Variants in FBLN7 observed in about 807,000 individuals in gnomAD.
The protein encoded by FBLN7 is fibulin-7.
Under a neutral mutation model 44.0 loss-of-function variants are expected in FBLN7, and 31 were observed. That is an observed-to-expected ratio of 0.70 (90% CI 0.53 to 0.95). FBLN7 has a LOEUF of 0.95. Ranked by LOEUF, FBLN7 falls within the 40% of genes least tolerant of loss-of-function variation. The probability of loss-of-function intolerance (pLI) is 0.00; values close to 1 mark genes in which losing one functional copy is unlikely to be tolerated. For missense variants in FBLN7, 573 were observed against 618.5 expected, an observed-to-expected ratio of 0.93 and a Z score of 0.78; for synonymous variants, 262 against 253.4, an observed-to-expected ratio of 1.03 and a Z score of -0.32.
chr2:112,162,661 G>A (rs1430068682), intron 2 of FBLN7, among the ~76,000 whole-genome samples: 1 of 152,198 alleles, frequency 6.6e-6, no homozygotes, highest in Non-Finnish European at 1.5e-5. Context: ...CACTAGAGAA[G>A]GGCCTTCAGC....
rs577034495 is a variant in FBLN7, at chr2:112,175,083, C to T, written c.407-631C>T. Among the ~76,000 whole-genome samples, 41 of 152,210 alleles carry T rather than the reference C, an allele frequency of 2.7e-4. 1 individual carries two copies. The South Asian group carries it at 8.3e-3, about 31-fold the overall frequency. ...ACAAAGACCTTTTCCACAGAAGTGT[C>T]GTGTAGATGAGCAAGGAACGTCTCC... On this transcript the variant is annotated intron_variant, in intron 3 of 7. Transcript: ENST00000331203.
At position 112,187,443 on chromosome 2, in the gene FBLN7, C is replaced by A; in HGVS notation, c.1257C>A (p.Asp419Glu). Reference sequence around the variant, plus strand: ...ACGTCGACATGTCGGAATACCTGGACCGCTCCTTCCAGGCCAACCACGTGT... The same window carrying A: ...ACGTCGACATGTCGGAATACCTGGAACGCTCCTTCCAGGCCAACCACGTGT... ...EVDVDMSEYLDRSFQANHVSK... is the reference protein window; with the variant it reads ...EVDVDMSEYLERSFQANHVSK... The change falls in exon 8 of 8, where the codon GAC becomes GAA. Residue 419 changes from aspartate (D) to glutamate (E), a missense_variant. Asp to Glu is a conservative substitution (Grantham distance 45, BLOSUM62 2). Transcript: ENST00000331203. This position sits in a 1 kb window ranked among gnomAD's most constrained non-coding sequence, Gnocchi z 5.1. 1 of 1,614,194 alleles carries A rather than the reference C, an allele frequency of 6.2e-7. No homozygotes were observed. Among genetic ancestry groups the A allele is most frequent in the Non-Finnish European group, 8.5e-7 (1 of 1,180,040 alleles).
At chr2:112,149,917 G>A (rs1049048514) in intron 1 of FBLN7, among the ~76,000 whole-genome samples, 33 of 152,196 alleles carry the variant, frequency 2.2e-4, no homozygotes, top group South Asian at 6.2e-4. Context: ...ATCTCTCAAA[G>A]GAGGCAGCCT....
At chr2:112,236,516 A>G in the FBLN7 span, 4 of 1,597,696 alleles carry the variant, frequency 2.5e-6, no homozygotes, top group Non-Finnish European at 3.4e-6. Flanking sequence ...ATCAAGTCCA[A>G]AAGCATGCAG....
chr2:112,201,252 T>C, the FBLN7 span, among the ~76,000 whole-genome samples: 1 of 152,224 alleles, frequency 6.6e-6, no homozygotes, highest in Non-Finnish European at 1.5e-5. Flanking sequence ...TGGAGAGTTC[T>C]GAACAACAGA....
At position 112,165,013 on chromosome 2, in the gene FBLN7, C is replaced by T. The variant is rs772334178; in HGVS notation, c.248C>T (p.Ala83Val). 4 of 1,614,072 alleles carry T rather than the reference C, an allele frequency of 2.5e-6. No individual in the cohort carries two copies. The highest frequency in any genetic ancestry group is 3.4e-6 in the Non-Finnish European group (4 of 1,179,962). ...GPDALPVSCP[A>V]LNTPADGRKF... ...TCTCTCCTTACAGTTTCCTGCCCGG[C>T]TCTGAACACCCCCGCAGACGGCAGA... The change falls in exon 3 of 8, where the codon GCT (alanine) becomes GTT (valine). Residue 83 changes from alanine (A) to valine (V), a missense_variant. Ala to Val is a moderately conservative substitution (Grantham distance 64). Transcript: ENST00000331203.
At chr2:112,201,320 C>T in the FBLN7 span, among the ~76,000 whole-genome samples, 17 of 152,202 alleles carry the variant, frequency 1.1e-4, no homozygotes, top group Non-Finnish European at 2.4e-4. Flanking sequence ...TCGTGCAGCT[C>T]CCACACCACA....
the FBLN7 span, among the ~76,000 whole-genome samples, chr2:112,211,023 C>T: frequency 6.6e-6 from 1 of 152,222 alleles, no homozygotes; most frequent in African/African-American, 2.4e-5. Flanking sequence ...GGTTATAAGA[C>T]TGAAATCTCC....
At position 112,187,417 on chromosome 2, in the gene FBLN7, G is replaced by A. The variant is rs759714093; in HGVS notation, c.1231G>A (p.Asp411Asn). ...NLEGPQTLEVDVDMSEYLDRS... is the reference protein window; with the variant it reads ...NLEGPQTLEVNVDMSEYLDRS... Reference sequence around the variant, plus strand: ...GGAGGGGCCTCAGACGCTGGAGGTGGACGTCGACATGTCGGAATACCTGGA... The same window carrying A: ...GGAGGGGCCTCAGACGCTGGAGGTGAACGTCGACATGTCGGAATACCTGGA... The change falls in exon 8 of 8, where the codon GAC becomes AAC. Residue 411 changes from aspartate to asparagine, a missense_variant. Asp to Asn is a conservative substitution (Grantham distance 23, BLOSUM62 1). Coordinates refer to ENST00000331203, the MANE Select transcript of FBLN7 (RefSeq NM_153214.3). The surrounding 1 kb of genome is among the most constrained non-coding windows in gnomAD (Gnocchi z 5.1). 6.8e-6 allele frequency: 11 copies of A among 1,614,172 alleles called. No individual in the cohort carries two copies. In the South Asian group the frequency reaches 1.1e-4, roughly 16 times the overall value.
intron 1 of FBLN7, among the ~76,000 whole-genome samples, chr2:112,156,617 G>A (rs565380242): frequency 2.0e-5 from 3 of 152,206 alleles, no homozygotes; most frequent in South Asian, 2.1e-4. Context: ...GCAGGAGGTC[G>A]CTCCTGAGTG....
intron 3 of FBLN7, among the ~76,000 whole-genome samples, chr2:112,172,880 C>T (rs374583362): frequency 2.0e-5 from 3 of 152,064 alleles, no homozygotes; most frequent in East Asian, 1.9e-4. Context: ...GTGATCCACC[C>T]GCCTCAACCT....
At chr2:112,238,331 T>C in the FBLN7 span, 24 of 1,613,528 alleles carry the variant, frequency 1.5e-5, no homozygotes, top group Non-Finnish European at 2.0e-5. Flanking sequence ...GGGTATCTTT[T>C]ACTCCTTCTT....
rs776611404 is a variant in FBLN7, at chr2:112,159,840, G to A, written c.235+5G>A. On this transcript the variant is annotated splice_donor_5th_base_variant and intron_variant, in intron 2 of 7. Transcript: ENST00000331203. ...TGGGCCCAGATGCCCTTCCAGGTGGGTCCCCACGTCGGCACCGCTGGGGCG... is the reference window on the plus strand; with the variant it reads ...TGGGCCCAGATGCCCTTCCAGGTGGATCCCCACGTCGGCACCGCTGGGGCG... 7 of 1,525,586 alleles carry A rather than the reference G, an allele frequency of 4.6e-6. No individual in the cohort carries two copies. The East Asian group carries it at 1.3e-4, about 28-fold the overall frequency. 94.5% of individuals were successfully genotyped at this position (1,525,586 alleles called of 1,614,324 possible). A position where few individuals can be genotyped will look rare whatever the true frequency, so the allele number is the denominator to read the frequency against.
intron 1 of FBLN7, among the ~76,000 whole-genome samples, chr2:112,159,271 A>G (rs1050493931): frequency 2.3e-5 from 3 of 130,810 alleles, no homozygotes; most frequent in Non-Finnish European, 5.2e-5. Context: ...CCTGTTTTAC[A>G]TGTATTATTG....
chr2:112,164,218 T>C (rs1191981932), intron 2 of FBLN7, among the ~76,000 whole-genome samples: 1 of 152,234 alleles, frequency 6.6e-6, no homozygotes. Context: ...ATATAGTGCC[T>C]GGCACATAGT....
intron 2 of FBLN7, among the ~76,000 whole-genome samples, chr2:112,160,087 T>G (rs926012413): frequency 6.6e-6 from 1 of 152,012 alleles, no homozygotes. Context: ...GCCTCCCGGG[T>G]TCACGCCATT....
intron 2 of FBLN7, among the ~76,000 whole-genome samples, chr2:112,160,760 GCACGCACACGCAGACGCACACGCACGCA>G (rs1558880165): frequency 7.8e-5 from 6 of 76,600 alleles, no homozygotes; most frequent in African/African-American, 2.9e-4. Flanking sequence ...ACGCACACAC[GCACGCACACGCAGACGCACACGCACGCA>G]CACGCACACA....
rs1290847963 is a variant in FBLN7, at chr2:112,182,830, C to T, written c.710C>T (p.Pro237Leu). The T allele has an allele frequency of 1.9e-6, 3 of 1,610,912 alleles. No individual in the cohort carries two copies. Among genetic ancestry groups the T allele is most frequent in the African/African-American group, 2.7e-5 (2 of 74,850 alleles). ...GAGCTCTACGGGCAGGAGGGGCGCC[C>T]CCGGCTCTGCATGCACGCCTGCGTG... ...ECELYGQEGR[P>L]RLCMHACVNT... The change falls in exon 6 of 8, where the codon CCC becomes CTC. Residue 237 changes from proline to leucine, a missense_variant. Pro to Leu is a moderately conservative substitution (Grantham distance 98, BLOSUM62 -3). Coordinates refer to ENST00000331203, the MANE Select transcript of FBLN7 (RefSeq NM_153214.3).
intron 2 of FBLN7, among the ~76,000 whole-genome samples, chr2:112,164,251 C>T (rs1682021236): frequency 6.6e-6 from 1 of 152,170 alleles, no homozygotes; most frequent in Non-Finnish European, 1.5e-5. Context: ...AATAAGGCTC[C>T]ATTCATTCAT....
Sources: allele counts gnomAD v4.1 joint callset (sites outside exome capture counted in the v4.1 genomes callset), GRCh38; gene constraint gnomAD v4.1.1; non-coding constraint Gnocchi (gnomAD v3.1); transcripts MANE v1.5; gene names NCBI Gene and HGNC (gene_info 2026-07-23, HGNC 2026-07-21).